Variants in NCOA4 observed in about 807,000 individuals in gnomAD.
The protein encoded by NCOA4 is nuclear receptor coactivator 4.
NCOA4 carries 31 observed loss-of-function variants against 69.5 expected under a neutral mutation model. The observed-to-expected ratio is 0.45, with a 90% confidence interval of 0.34 to 0.60. The LOEUF is 0.60. Among genes scored for constraint, NCOA4 ranks in the 20% least tolerant of loss-of-function variants. NCOA4 has a pLI of 0.02. For missense variants in NCOA4, 600 were observed against 719.2 expected, an observed-to-expected ratio of 0.83 and a Z score of 1.90; for synonymous variants, 228 against 252.4, an observed-to-expected ratio of 0.90 and a Z score of 0.92.
In NCOA4 at chr10:46,010,402, T is replaced by C. The variant is rs1839134934; in HGVS notation, c.1519A>G (p.Ser507Gly). The C allele has an allele frequency of 6.2e-7, 1 of 1,614,184 alleles. No individual in the cohort carries two copies. The highest frequency in any genetic ancestry group is 8.5e-7 in the Non-Finnish European group (1 of 1,180,022). The change falls in exon 8 of 10, where the codon AGT becomes GGT. Residue 507 changes from serine to glycine, a missense_variant. Transcript: ENST00000581486. ...TCAGTACCAGGCACTTCCTTGGGAC[T>C]TCCTTCTTTGTATGGGGGCCTGATA... ...WLIRPPYKEG[S>G]PKEVPGTEDR... is the part of the protein sequence containing the mutation.
Position 46,010,615 on chromosome 10 carries a change from C to T in NCOA4, c.1306G>A (p.Gly436Arg). 1 of 1,614,118 alleles carries T rather than the reference C, an allele frequency of 6.2e-7. No homozygotes were observed. The highest frequency in any genetic ancestry group is 8.5e-7 in the Non-Finnish European group (1 of 1,180,012). The change falls in exon 8 of 10, where the codon GGA becomes AGA. Residue 436 changes from glycine to arginine, a missense_variant. Physicochemically the swap from Gly to Arg is moderately radical, Grantham distance 125. Transcript: ENST00000581486. ...ACAGGCATCCCATTTTTATCCTTTCCTTCTTTCTTCAGAAGCCACTTATAC... is the reference window on the plus strand; with the variant it reads ...ACAGGCATCCCATTTTTATCCTTTCTTTCTTTCTTCAGAAGCCACTTATAC... ...ALYKWLLKKE[G>R]KDKNGMPVEP...
At chr10:46,010,088 A>C in intron 8 of NCOA4, 135 bp downstream of exon 8, 1 of 1,113,850 alleles carries the variant, frequency 9.0e-7, no homozygotes, top group Non-Finnish European at 1.2e-6. Context: ...GGATGGCTGG[A>C]GCCTCGGAAG....
At chr10:46,030,103 G>A (rs1194734856) in intron 1 of NCOA4, among the ~76,000 whole-genome samples, 2 of 152,148 alleles carry the variant, frequency 1.3e-5, no homozygotes, top group African/African-American at 4.8e-5. Flanking sequence ...ACCTCGCCTC[G>A]CCCCACATCC....
At chr10:46,023,781 G>A (rs1402056319) in intron 1 of NCOA4, among the ~76,000 whole-genome samples, 1 of 152,246 alleles carries the variant, frequency 6.6e-6, no homozygotes, top group Middle Eastern at 3.2e-3. Context: ...GTTTAGGACA[G>A]TGCCTGGCAA....
chr10:46,028,268 T>C (rs1840266291), intron 1 of NCOA4, among the ~76,000 whole-genome samples: 1 of 152,176 alleles, frequency 6.6e-6, no homozygotes. Context: ...TAATATGCTT[T>C]ATTACTCTCC....
chr10:46,009,607 AC>A (rs1839077959), intron 8 of NCOA4, 56 bp from the exon 9 acceptor site: 1 of 1,487,934 alleles, frequency 6.7e-7, no homozygotes, highest in South Asian at 1.2e-5. Context: ...CATGAGACCA[AC>A]TTATCTTCCA....
intron 7 of NCOA4, among the ~76,000 whole-genome samples, chr10:46,012,298 G>A (rs1839281479): frequency 6.6e-6 from 1 of 152,050 alleles, no homozygotes; most frequent in Non-Finnish European, 1.5e-5. Flanking sequence ...TTGGCAATAT[G>A]TATCCAAAGT....
At chr10:46,024,045 G>A (rs1432400972) in intron 1 of NCOA4, among the ~76,000 whole-genome samples, 3 of 152,198 alleles carry the variant, frequency 2.0e-5, no homozygotes, top group East Asian at 3.8e-4. Flanking sequence ...ACACTAAGGA[G>A]CCATTACCCT....
At chr10:46,021,266 T>C (rs1839853780) in intron 1 of NCOA4, among the ~76,000 whole-genome samples, 1 of 152,074 alleles carries the variant, frequency 6.6e-6, no homozygotes, top group Admixed American at 6.5e-5. Context: ...AGCTGAAAAA[T>C]AGCTCCTCAC....
intron 1 of NCOA4, chr10:46,019,480 C>T (rs1211914212): frequency 1.0e-6 from 1 of 985,328 alleles, no homozygotes; most frequent in Non-Finnish European, 1.2e-6. Flanking sequence ...TCACTTTTAG[C>T]TTCTCACCAT....
intron 1 of NCOA4, chr10:46,023,227 G>T: frequency 1.0e-6 from 1 of 968,962 alleles, no homozygotes; most frequent in Non-Finnish European, 1.2e-6. Flanking sequence ...TTCGCACGCA[G>T]TTGTGCAGTC....
chr10:46,007,581 CTTTTTTTTTTT>C (rs71026287), intron 9 of NCOA4, among the ~76,000 whole-genome samples: 21 of 85,478 alleles, frequency 2.5e-4, no homozygotes, highest in Admixed American at 6.9e-4. Flanking sequence ...GCCAGTGACT[CTTTTTTTTTTT>C]TTTTTTTTTT....
At chr10:46,024,191 C>T (rs1181533137) in intron 1 of NCOA4, among the ~76,000 whole-genome samples, 1 of 152,162 alleles carries the variant, frequency 6.6e-6, no homozygotes, top group Non-Finnish European at 1.5e-5. Context: ...TCCAAAAGCC[C>T]TCCTTGGATA....
chr10:46,007,579 CTCTTTTT>C (rs1374570622), intron 9 of NCOA4, among the ~76,000 whole-genome samples: 3 of 125,672 alleles, frequency 2.4e-5, no homozygotes, highest in African/African-American at 9.1e-5. Flanking sequence ...CAGCCAGTGA[CTCTTTTT>C]TTTTTTTTTT....
chr10:46,006,511 C>T lies in NCOA4; in HGVS notation c.*81G>A. 6.5e-7 allele frequency: 1 copy of T among 1,549,232 alleles called. No individual in the cohort carries two copies. The highest frequency in any genetic ancestry group is 1.1e-5 in the South Asian group (1 of 89,678). On this transcript the variant is annotated 3_prime_UTR_variant, in exon 10 of 10. Coordinates refer to ENST00000581486, the MANE Select transcript of NCOA4 (RefSeq NM_001145263.2). ...AGCTAATTGGTCAGACCCAGAAACA[C>T]AAAGATTTGGCAAGCTGCAGTCACT...
intron 1 of NCOA4, chr10:46,027,421 T>C: frequency 6.4e-7 from 1 of 1,551,400 alleles, no homozygotes; most frequent in African/African-American, 1.4e-5. Flanking sequence ...GGAGATAGTA[T>C]TAATGCCTAC....
In NCOA4 at chr10:46,011,133, T is replaced by C. The variant is rs782412140; in HGVS notation, c.788A>G (p.Lys263Arg). ...NLKGLENWLL[K>R]SEKSSYQKCN... is the part of the protein sequence containing the mutation. Reference sequence around the variant, plus strand: ...CTTTTGATAACTTGATTTTTCACTCTTGAGGAGCCAGTTTTCTAAGCCCTT... The same window carrying C: ...CTTTTGATAACTTGATTTTTCACTCCTGAGGAGCCAGTTTTCTAAGCCCTT... Residue 263 changes from lysine to arginine, a missense_variant, in exon 8 of 10, where the codon AAG becomes AGG. Transcript: ENST00000581486. 6 of 1,613,206 alleles carry C rather than the reference T, an allele frequency of 3.7e-6. No homozygotes were observed. The highest frequency in any genetic ancestry group is 2.2e-5 in the East Asian group (1 of 44,886).
Position 46,014,847 on chromosome 10 carries a change from T to C in NCOA4, c.371+7A>G. The C allele has an allele frequency of 6.2e-7, 1 of 1,610,640 alleles. No individual in the cohort carries two copies. Among genetic ancestry groups the C allele is most frequent in the Non-Finnish European group, 8.5e-7 (1 of 1,177,922 alleles). Reference sequence around the variant, plus strand: ...CAAAAGTTAAAATACGCAAAAAGGGTCATTACCTCTCCAGGCACACAGAGA... The same window carrying C: ...CAAAAGTTAAAATACGCAAAAAGGGCCATTACCTCTCCAGGCACACAGAGA... On this transcript the variant is annotated splice_region_variant and intron_variant, in intron 4 of 9. Coordinates refer to ENST00000581486, the MANE Select transcript of NCOA4 (RefSeq NM_001145263.2).
intron 1 of NCOA4, among the ~76,000 whole-genome samples, chr10:46,027,176 CAGA>C (rs1448607251): frequency 6.9e-6 from 1 of 145,030 alleles, no homozygotes; most frequent in African/African-American, 2.6e-5. Context: ...GAGGCTGAGG[CAGA>C]AGAATGGCGT....
Sources: gnomAD v4.1 joint callset for allele counts (sites outside exome capture counted in the v4.1 genomes callset) on GRCh38, gnomAD v4.1.1 for gene constraint, MANE v1.5 for transcripts, NCBI Gene and HGNC (gene_info 2026-07-23, HGNC 2026-07-21) for gene names.